The following RORA variants were observed in gnomAD, a reference collection of about 807,000 sequenced individuals.
RORA encodes the protein nuclear receptor ROR-alpha.
RORA carries 7 observed loss-of-function variants against 69.5 expected under a neutral mutation model. That is an observed-to-expected ratio of 0.10 (90% CI 0.06 to 0.19). The LOEUF (loss-of-function observed/expected upper bound fraction) is 0.19, where lower values mean the gene tolerates loss of function less well. RORA is among the 10% of genes least tolerant of loss of function. RORA has a pLI of 1.00. For synonymous variants in RORA, 261 were observed against 240.8 expected, an observed-to-expected ratio of 1.08 and a Z score of -0.78; for missense variants, 457 against 663.0, an observed-to-expected ratio of 0.69 and a Z score of 3.41.
At chr15:60,586,784 G>A (rs1011079318) in intron 2 of RORA, among the ~76,000 whole-genome samples, 2 of 152,042 alleles carry the variant, frequency 1.3e-5, no homozygotes, top group Admixed American at 6.6e-5. Flanking sequence ...TAAAGGTTTC[G>A]TCTGAGACTG....
chr15:60,862,125 C>G (rs2073440429), intron 1 of RORA, among the ~76,000 whole-genome samples: 1 of 152,348 alleles, frequency 6.6e-6, no homozygotes, highest in Non-Finnish European at 1.5e-5. Context: ...TTATGAACAT[C>G]TGCTATATAC....
chr15:60,832,904 G>C (rs577671221), intron 1 of RORA, among the ~76,000 whole-genome samples: 1 of 152,076 alleles, frequency 6.6e-6, no homozygotes, highest in South Asian at 2.1e-4. Flanking sequence ...CATCCCAACT[G>C]AGTGTTCTTT....
chr15:61,142,080 A>C (rs1484208537), intron 1 of RORA, among the ~76,000 whole-genome samples: 2 of 152,222 alleles, frequency 1.3e-5, no homozygotes, highest in Non-Finnish European at 2.9e-5. Context: ...TTGTCAGAGG[A>C]TCACTCTGTG....
chr15:60,902,869 CG>C (rs1891430582), intron 1 of RORA, among the ~76,000 whole-genome samples: 1 of 152,186 alleles, frequency 6.6e-6, no homozygotes, highest in Non-Finnish European at 1.5e-5. Context: ...CAGCTGCCCA[CG>C]GAATGCTCTG....
chr15:60,618,509 G>C (rs2069316306), intron 2 of RORA, among the ~76,000 whole-genome samples: 1 of 152,102 alleles, frequency 6.6e-6, no homozygotes. Context: ...TAGGAGGCAG[G>C]ATACCTACTT....
intron 1 of RORA, among the ~76,000 whole-genome samples, chr15:61,106,185 A>C (rs1388102045): frequency 6.6e-6 from 1 of 152,244 alleles, no homozygotes; most frequent in Non-Finnish European, 1.5e-5. Flanking sequence ...TCAATGAGAA[A>C]GAGTTTAGGC....
chr15:61,061,776 A>G lies in RORA; in HGVS notation c.166+167277T>C, dbSNP rs2078189911. 1.3e-5 allele frequency among the ~76,000 whole-genome samples: 2 copies of G among 152,148 alleles called. No individual in the cohort carries two copies. The highest frequency in any genetic ancestry group is 2.9e-5 in the Non-Finnish European group (2 of 68,024). ...ATATAGGAAGCACTCAATAAATGTT[A>G]GTAAGGCCGGGCACGGTGGTTCACG... On this transcript the variant is annotated intron_variant, in intron 1 of 10. Coordinates refer to ENST00000335670, the MANE Select transcript of RORA (RefSeq NM_134261.3). This position sits in a 1 kb window ranked among gnomAD's most constrained non-coding sequence, Gnocchi z 4.4.
chr15:61,007,993 A>G (rs545063595), intron 1 of RORA, among the ~76,000 whole-genome samples: 1 of 151,924 alleles, frequency 6.6e-6, no homozygotes, highest in African/African-American at 2.4e-5. Flanking sequence ...AAAATGAATG[A>G]CAGCAAACAT....
At chr15:60,668,465 G>A (rs547778323) in intron 2 of RORA, among the ~76,000 whole-genome samples, 1 of 152,188 alleles carries the variant, frequency 6.6e-6, no homozygotes, top group Non-Finnish European at 1.5e-5. Flanking sequence ...TTAACAAAGA[G>A]AGGGAATACT....
chr15:60,733,610 A>C (rs1054079103), intron 1 of RORA, among the ~76,000 whole-genome samples: 1 of 152,224 alleles, frequency 6.6e-6, no homozygotes, highest in Admixed American at 6.5e-5. Flanking sequence ...TCTGAAAGTT[A>C]AACTGTATGA....
intron 3 of RORA, among the ~76,000 whole-genome samples, chr15:60,516,112 A>ATAT (rs2065911753): frequency 2.0e-5 from 1 of 51,218 alleles, no homozygotes; most frequent in Non-Finnish European, 3.7e-5. Flanking sequence ...TATATATTAT[A>ATAT]TTATATATAT....
Position 60,888,462 on chromosome 15 carries a change from GCA to G in RORA, c.167-209778_167-209777del, listed in dbSNP as rs140210215. 2.8e-3 allele frequency among the ~76,000 whole-genome samples: 420 copies of G among 151,362 alleles called. 3 individuals carry two copies. Among genetic ancestry groups the G allele is most frequent in the East Asian group, 0.014 (72 of 5,172 alleles). On this transcript the variant is annotated intron_variant, in intron 1 of 10. Coordinates refer to ENST00000335670, the MANE Select transcript of RORA (RefSeq NM_134261.3). Reference sequence around the variant, plus strand: ...GGAGAGGAAGATTACGTGTGCACATGCACACACACACACACGCACATATACAC... The same window carrying G: ...GGAGAGGAAGATTACGTGTGCACATGCACACACACACACGCACATATACAC...
chr15:61,140,768 C>G (rs753360757), intron 1 of RORA, among the ~76,000 whole-genome samples: 2 of 152,108 alleles, frequency 1.3e-5, no homozygotes, highest in African/African-American at 4.8e-5. Flanking sequence ...AACGCTGGTA[C>G]TCTGGGCAGT....
chr15:60,678,253 C>A (rs1596118474), intron 2 of RORA: 1 of 158,420 alleles, frequency 6.3e-6, no homozygotes, highest in South Asian at 1.9e-4. Flanking sequence ...TACGAAACGG[C>A]CTAATTTGTG....
intron 1 of RORA, among the ~76,000 whole-genome samples, chr15:61,018,823 G>C (rs973477431): frequency 8.6e-5 from 13 of 151,956 alleles, no homozygotes; most frequent in African/African-American, 3.1e-4. Context: ...CCTCATAAAT[G>C]GTAAGGATGT....
intron 2 of RORA, among the ~76,000 whole-genome samples, chr15:60,630,174 C>G (rs2069702128): frequency 6.6e-6 from 1 of 152,170 alleles, no homozygotes; most frequent in Admixed American, 6.5e-5. Flanking sequence ...TACACTGATG[C>G]AAAGGACAGA....
chr15:60,921,700 C>A (rs1892053795), intron 1 of RORA, among the ~76,000 whole-genome samples: 1 of 152,148 alleles, frequency 6.6e-6, no homozygotes, highest in Admixed American at 6.5e-5. Context: ...AAACAGGGTT[C>A]AATTCCCATC....
intron 2 of RORA, among the ~76,000 whole-genome samples, chr15:60,603,677 T>G (rs2068872562): frequency 6.6e-6 from 1 of 152,248 alleles, no homozygotes; most frequent in African/African-American, 2.4e-5. Context: ...AACATTGCAC[T>G]GGCAGCCAAC....
chr15:61,075,272 T>C (rs1399378370), intron 1 of RORA, among the ~76,000 whole-genome samples: 1 of 152,088 alleles, frequency 6.6e-6, no homozygotes, highest in Non-Finnish European at 1.5e-5. Context: ...GCTTTAGGAA[T>C]CTGGAGGGAG....
Sources: gnomAD v4.1 joint callset for allele counts (sites outside exome capture counted in the v4.1 genomes callset) on GRCh38, gnomAD v4.1.1 for gene constraint, Gnocchi (gnomAD v3.1) non-coding constraint, MANE v1.5 for transcripts, NCBI Gene and HGNC (gene_info 2026-07-23, HGNC 2026-07-21) for gene names.